The following ITGA11 variants were observed in gnomAD, a reference collection of about 807,000 sequenced individuals.
The protein encoded by ITGA11 is integrin alpha-11.
Under a neutral mutation model 141.9 loss-of-function variants are expected in ITGA11, and 97 were observed. The ratio of observed to expected loss-of-function variants is 0.68; its 90% CI spans 0.58 to 0.81. The LOEUF is 0.81. Ranked by LOEUF, ITGA11 falls within the 30% of genes least tolerant of loss-of-function variation. ITGA11 has a pLI of 0.00. For synonymous variants in ITGA11, 658 were observed against 624.6 expected (o/e 1.05, Z -0.80); for missense variants, 1,387 against 1,559.2 (o/e 0.89, Z 1.86).
chr15:68,428,173 T>C (rs907091079), intron 1 of ITGA11, among the ~76,000 whole-genome samples: 3 of 152,112 alleles, frequency 2.0e-5, no homozygotes, highest in African/African-American at 7.2e-5. Context: ...GCTTTTAAAA[T>C]TCCCCAAATT....
chr15:68,388,260 A>T lies in ITGA11; in HGVS notation c.164+14658T>A, dbSNP rs150753785. Among the ~76,000 whole-genome samples the T allele has an allele frequency of 3.3e-3, 503 of 152,214 alleles. 7 individuals are homozygous for T. Among genetic ancestry groups the T allele is most frequent in the African/African-American group, 0.012 (483 of 41,518 alleles). On this transcript the variant is annotated intron_variant, in intron 2 of 29. Coordinates refer to ENST00000315757, the MANE Select transcript of ITGA11 (RefSeq NM_001004439.2). ...TCCAGCCACACTTGCTGTTCCTTGA[A>T]CATCTCAAGCATGCTCCTACTTCAC... is the stretch of plus-strand genomic sequence containing the variant.
chr15:68,418,055 A>G (rs990213973), intron 1 of ITGA11, among the ~76,000 whole-genome samples: 2 of 152,196 alleles, frequency 1.3e-5, no homozygotes, highest in Non-Finnish European at 2.9e-5. Context: ...CTTCCCATTC[A>G]GTGATGTCAT....
intron 10 of ITGA11, among the ~76,000 whole-genome samples, chr15:68,340,441 C>T (rs1280892918): frequency 2.0e-5 from 3 of 152,096 alleles, no homozygotes; most frequent in East Asian, 1.9e-4. Context: ...GGAGAGAGCA[C>T]GGAACCTTTG....
intron 10 of ITGA11, among the ~76,000 whole-genome samples, chr15:68,346,412 C>T (rs763046580): frequency 6.6e-6 from 1 of 152,154 alleles, no homozygotes; most frequent in Non-Finnish European, 1.5e-5. Context: ...TTTAGATTCC[C>T]CGATTCCTAG....
intron 1 of ITGA11, among the ~76,000 whole-genome samples, chr15:68,425,504 G>A (rs950500171): frequency 2.0e-5 from 3 of 152,190 alleles, no homozygotes; most frequent in Non-Finnish European, 4.4e-5. Flanking sequence ...CAGGGAGAGA[G>A]CAATTCCAGG....
intron 7 of ITGA11, among the ~76,000 whole-genome samples, chr15:68,351,733 A>G (rs1467824346): frequency 6.6e-6 from 1 of 151,326 alleles, no homozygotes; most frequent in Non-Finnish European, 1.5e-5. Flanking sequence ...CTTTAGAGGC[A>G]TTAAGTCAGT....
intron 1 of ITGA11, among the ~76,000 whole-genome samples, chr15:68,417,754 C>A (rs1434757283): frequency 6.6e-6 from 1 of 152,224 alleles, no homozygotes; most frequent in African/African-American, 2.4e-5. Flanking sequence ...CATTTGCAGT[C>A]CCCTTTGTCT....
intron 1 of ITGA11, among the ~76,000 whole-genome samples, chr15:68,409,440 T>C (rs1896719335): frequency 6.6e-6 from 1 of 152,084 alleles, no homozygotes; most frequent in African/African-American, 2.4e-5. Flanking sequence ...CCTCCTGCCT[T>C]AGTTTACCTC....
rs780818582 is a variant in ITGA11 at position 68,364,724 on chromosome 15, T to C, written c.340A>G (p.Lys114Glu). ...GCTCTTACCAGGAAGCTGTTGTCCTTGGGGTTGGTGGCGAGACTAAGGCCG... is the reference window on the plus strand; with the variant it reads ...GCTCTTACCAGGAAGCTGTTGTCCTCGGGGTTGGTGGCGAGACTAAGGCCG... ...RLGLSLATNP[K>E]DNSFLACSPL... Residue 114 changes from lysine to glutamate, a missense_variant, in exon 4 of 30, where the codon AAG (lysine) becomes GAG (glutamate). Physicochemically the swap from Lys to Glu is moderately conservative, Grantham distance 56 (BLOSUM62 1). Transcript: ENST00000315757. 1.2e-6 allele frequency: 2 copies of C among 1,612,904 alleles called. No individual in the cohort carries two copies. The highest frequency in any genetic ancestry group is 2.2e-5 in the South Asian group (2 of 91,048).
intron 1 of ITGA11, among the ~76,000 whole-genome samples, chr15:68,419,097 T>C (rs1481699220): frequency 6.6e-6 from 1 of 152,062 alleles, no homozygotes; most frequent in Non-Finnish European, 1.5e-5. Context: ...CCCACACCCA[T>C]CTGAAAAGGT....
At chr15:68,394,653 C>G (rs1896190186) in intron 2 of ITGA11, among the ~76,000 whole-genome samples, 1 of 151,754 alleles carries the variant, frequency 6.6e-6, no homozygotes, top group African/African-American at 2.4e-5. Context: ...ATAGTTGATC[C>G]TAGAACACAT....
chr15:68,344,097 G>C (rs1441510603), intron 10 of ITGA11, among the ~76,000 whole-genome samples: 3 of 152,132 alleles, frequency 2.0e-5, no homozygotes, highest in Non-Finnish European at 2.9e-5. Context: ...TGAGGATATG[G>C]GGCCAGGCTT....
At chr15:68,343,979 G>A (rs1007916555) in intron 10 of ITGA11, among the ~76,000 whole-genome samples, 2 of 152,118 alleles carry the variant, frequency 1.3e-5, no homozygotes, top group Non-Finnish European at 2.9e-5. Context: ...AGAAGGGGCC[G>A]CGGGGACCTG....
chr15:68,375,500 C>T (rs1397928209), intron 2 of ITGA11, among the ~76,000 whole-genome samples: 1 of 152,152 alleles, frequency 6.6e-6, no homozygotes, highest in Admixed American at 6.5e-5. Context: ...CGGGGCTGCC[C>T]TGGCTGGGGG....
At chr15:68,369,385 A>T in intron 2 of ITGA11, 101 bp from the exon 3 acceptor site, 1 of 27,076 alleles carries the variant, frequency 3.7e-5, no homozygotes, top group Non-Finnish European at 7.9e-5. Context: ...TTGGGTGGGG[A>T]GGGTGGGAGG....
At chr15:68,397,479 TATAAAATATTTTAAA>T (rs1194908543) in intron 2 of ITGA11, among the ~76,000 whole-genome samples, 5 of 99,658 alleles carry the variant, frequency 5.0e-5, no homozygotes, top group South Asian at 3.0e-4. Context: ...TTAAAAATAT[TATAAAATATTTTAAA>T]ATAAAATATT....
chr15:68,428,310 G>A (rs1433345991), intron 1 of ITGA11, among the ~76,000 whole-genome samples: 1 of 152,260 alleles, frequency 6.6e-6, no homozygotes, highest in East Asian at 1.9e-4. Context: ...TTAGAAGAAG[G>A]AAGAGCTCCC....
chr15:68,333,243 G>A lies in ITGA11; in HGVS notation c.1426-765C>T, dbSNP rs1053767009. Among the ~76,000 whole-genome samples, 1 of 151,996 alleles carries A rather than the reference G, an allele frequency of 6.6e-6. No homozygotes were observed. The highest frequency in any genetic ancestry group is 1.5e-5 in the Non-Finnish European group (1 of 67,994). ...GCCTCCTGAGTAGCTGGGACCACAG[G>A]CACTTACCACCGCTCCTGGCTGTTT... On this transcript the variant is annotated intron_variant, in intron 12 of 29. Transcript: ENST00000315757. This position sits in a 1 kb window ranked among gnomAD's most constrained non-coding sequence, Gnocchi z 4.2.
chr15:68,317,727 C>A (rs983305245), intron 20 of ITGA11, among the ~76,000 whole-genome samples: 2 of 152,210 alleles, frequency 1.3e-5, no homozygotes, highest in Non-Finnish European at 2.9e-5. Context: ...AATGCAGCGC[C>A]TATCCCATGC....
Sources: gnomAD v4.1 joint callset for allele counts (sites outside exome capture counted in the v4.1 genomes callset) on GRCh38, gnomAD v4.1.1 for gene constraint, Gnocchi (gnomAD v3.1) non-coding constraint, MANE v1.5 for transcripts, NCBI Gene and HGNC (gene_info 2026-07-23, HGNC 2026-07-21) for gene names.